SPOP: variants seen among roughly 807,000 people sequenced by gnomAD.
SPOP encodes speckle type BTB/POZ protein.
SPOP carries 11 observed loss-of-function variants against 45.6 expected under a neutral mutation model. The observed-to-expected ratio is 0.24, with a 90% CI of 0.15 to 0.40. SPOP has a LOEUF of 0.40. SPOP is among the 10% of genes least tolerant of loss of function. SPOP has a pLI of 1.00. For synonymous variants in SPOP, 166 were observed against 166.3 expected (o/e 1.00, Z 0.01); for missense variants, 152 against 465.6 (o/e 0.33, Z 6.20).
At chr17:49,616,263 T>C (rs2072083675) in intron 5 of SPOP, among the ~76,000 whole-genome samples, 1 of 152,190 alleles carries the variant, frequency 6.6e-6, no homozygotes, top group South Asian at 2.1e-4. Context: ...TCTTCCACCA[T>C]AGGAGTCCCT....
chr17:49,619,420 A>T lies in SPOP; in HGVS notation c.201-35T>A, dbSNP rs2143275585. On this transcript the variant is annotated intron_variant, in intron 3 of 9. Coordinates refer to ENST00000504102, the MANE Select transcript of SPOP (RefSeq NM_001007228.2). This position sits in a 1 kb window ranked among gnomAD's most constrained non-coding sequence, Gnocchi z 4.9. ...ACAGATAGAAAAAAAAAATGTCAAA[A>T]GCATCCATTTTGATAGAACTGGAAA... 6.3e-7 allele frequency: 1 copy of T among 1,582,468 alleles called. No individual in the cohort carries two copies. The highest frequency in any genetic ancestry group is 8.6e-7 in the Non-Finnish European group (1 of 1,167,540).
At chr17:49,657,059 C>G (rs2072922246) in intron 1 of SPOP, among the ~76,000 whole-genome samples, 1 of 151,924 alleles carries the variant, frequency 6.6e-6, no homozygotes, top group African/African-American at 2.4e-5. Flanking sequence ...GTGGCGGGCG[C>G]CTGTAGTCCC....
At chr17:49,614,537 G>A (rs1778320887) in intron 5 of SPOP, among the ~76,000 whole-genome samples, 1 of 152,048 alleles carries the variant, frequency 6.6e-6, no homozygotes, top group Non-Finnish European at 1.5e-5. Context: ...TTAGGGATTG[G>A]GGAGAAGCAT....
At chr17:49,640,699 A>T (rs1483032398) in intron 1 of SPOP, among the ~76,000 whole-genome samples, 2 of 152,194 alleles carry the variant, frequency 1.3e-5, no homozygotes, top group African/African-American at 4.8e-5. Flanking sequence ...TGAAAGCCTT[A>T]CAATGGCCAA....
intron 1 of SPOP, among the ~76,000 whole-genome samples, chr17:49,671,409 G>T (rs915236534): frequency 6.6e-6 from 1 of 151,842 alleles, no homozygotes; most frequent in African/African-American, 2.4e-5. Context: ...TAAAGGTTAA[G>T]GGTAAGGGTT....
chr17:49,638,747 A>C (rs1170099148), intron 1 of SPOP, among the ~76,000 whole-genome samples: 1 of 152,236 alleles, frequency 6.6e-6, no homozygotes, highest in Non-Finnish European at 1.5e-5. Context: ...TAAATGACTG[A>C]TGCTAAAACA....
At chr17:49,614,892 G>A (rs1004018641) in intron 5 of SPOP, among the ~76,000 whole-genome samples, 3 of 151,266 alleles carry the variant, frequency 2.0e-5, no homozygotes, top group Non-Finnish European at 4.4e-5. Context: ...TCCCTCTGTT[G>A]CCCAGGCTGG....
intron 1 of SPOP, among the ~76,000 whole-genome samples, chr17:49,671,361 C>A (rs970946851): frequency 6.6e-6 from 1 of 151,248 alleles, no homozygotes; most frequent in Admixed American, 6.6e-5. Context: ...TTGCACCAAC[C>A]TCATAATTTA....
At chr17:49,667,178 TA>T (rs36082208) in intron 1 of SPOP, among the ~76,000 whole-genome samples, 7,824 of 103,564 alleles carry the variant, frequency 0.076, 277 homozygotes, top group Non-Finnish European at 0.1. Flanking sequence ...AACGCTGTCT[TA>T]AAAAAAAAAA....
intron 1 of SPOP, among the ~76,000 whole-genome samples, chr17:49,662,445 G>A (rs1379041237): frequency 6.6e-6 from 1 of 152,122 alleles, no homozygotes; most frequent in Non-Finnish European, 1.5e-5. Flanking sequence ...ACTTTGGGAG[G>A]CCCAGGCGGG....
At chr17:49,602,477 C>G (rs1051131187) in intron 8 of SPOP, 1 of 154,336 alleles carries the variant, frequency 6.5e-6, no homozygotes, top group African/African-American at 2.4e-5. Flanking sequence ...TGTGAAATCC[C>G]TTATTTACTG....
At chr17:49,661,710 C>A (rs2072989694) in intron 1 of SPOP, among the ~76,000 whole-genome samples, 1 of 152,222 alleles carries the variant, frequency 6.6e-6, no homozygotes, top group Non-Finnish European at 1.5e-5. Context: ...CCCTTCCCTT[C>A]TCTACCATAA....
chr17:49,641,811 G>C (rs2537704), intron 1 of SPOP, among the ~76,000 whole-genome samples: 152,215 of 152,216 alleles, frequency 1, 76,107 homozygotes, highest in Middle Eastern at 1. Context: ...CACCTGAGGT[G>C]AGGAGTTTGA....
At chr17:49,676,627 A>G (rs1285064822) in intron 1 of SPOP, among the ~76,000 whole-genome samples, 3 of 152,128 alleles carry the variant, frequency 2.0e-5, no homozygotes, top group Admixed American at 6.6e-5. Flanking sequence ...GAACTGAAAA[A>G]CACAAAAAAT....
Position 49,599,604 on chromosome 17 carries a change from G to C in SPOP, c.*774C>G. On this transcript the variant is annotated 3_prime_UTR_variant, in exon 10 of 10. Coordinates refer to ENST00000504102, the MANE Select transcript of SPOP (RefSeq NM_001007228.2). ...ACATTTTCCACAATATCTAAAAACA[G>C]AGAACCATAGTTCTTGTCAAGACAA... The C allele has an allele frequency of 4.7e-6, 1 of 214,696 alleles. No individual in the cohort carries two copies. The highest frequency in any genetic ancestry group is 7.0e-5 in the East Asian group (1 of 14,330). The allele number at this position is 214,696 out of a possible 1,614,324, so 13.3% of individuals were successfully genotyped here. A position where few individuals can be genotyped will look rare whatever the true frequency, so the allele number is the denominator to read the frequency against.
chr17:49,621,929 G>T lies in SPOP; in HGVS notation c.200+17C>A. ...AACTTCAGAAAAATTTTTACAGTTA[G>T]ACGTATTCTTCCTCACCATTTCAGT... On this transcript the variant is annotated intron_variant, in intron 3 of 9. Transcript: ENST00000504102. 6.2e-7 allele frequency: 1 copy of T among 1,612,238 alleles called. No individual in the cohort carries two copies. The highest frequency in any genetic ancestry group is 8.5e-7 in the Non-Finnish European group (1 of 1,178,888).
intron 1 of SPOP, among the ~76,000 whole-genome samples, chr17:49,629,414 T>C (rs1466286997): frequency 6.6e-6 from 1 of 152,184 alleles, no homozygotes; most frequent in Non-Finnish European, 1.5e-5. Context: ...AGATAAATTA[T>C]ATTACAAAGC....
At chr17:49,655,975 T>G (rs1391942544) in intron 1 of SPOP, among the ~76,000 whole-genome samples, 1 of 152,104 alleles carries the variant, frequency 6.6e-6, no homozygotes, top group Non-Finnish European at 1.5e-5. Context: ...CATGCCCGGC[T>G]AATTTTTTGT....
Position 49,619,129 on chromosome 17 carries a change from G to C in SPOP, c.353-21C>G, listed in dbSNP as rs2072159085. On this transcript the variant is annotated intron_variant, in intron 4 of 9. Transcript: ENST00000504102. The surrounding 1 kb of genome is among the most constrained non-coding windows in gnomAD (Gnocchi z 4.9). ...ACTCTCTGGGGTGGGGAAAAAAAAA[G>C]TCATATTTAAGGTTACGCAAAAACC... 6.2e-7 allele frequency: 1 copy of C among 1,613,186 alleles called. No individual in the cohort carries two copies.
Sources: allele counts gnomAD v4.1 joint callset (sites outside exome capture counted in the v4.1 genomes callset), GRCh38; gene constraint gnomAD v4.1.1; non-coding constraint Gnocchi (gnomAD v3.1); transcripts MANE v1.5; gene names NCBI Gene and HGNC (gene_info 2026-07-23, HGNC 2026-07-21).